Variants in SOX5 observed in about 807,000 individuals in gnomAD.
SOX5 encodes the protein transcription factor SOX-5.
A neutral mutation model predicts 92.0 loss-of-function variants in SOX5; 9 were observed. That is an observed-to-expected ratio of 0.10 (90% CI 0.06 to 0.17). The LOEUF (loss-of-function observed/expected upper bound fraction) is 0.17. Among genes scored for constraint, SOX5 ranks in the 10% least tolerant of loss-of-function variants. The pLI is 1.00. For synonymous variants in SOX5, 344 were observed against 336.3 expected, an observed-to-expected ratio of 1.02 and a Z score of -0.25; for missense variants, 642 against 944.5, an observed-to-expected ratio of 0.68 and a Z score of 4.20.
At chr12:24,270,157 G>A (rs894296746) in intron 3 of SOX5, among the ~76,000 whole-genome samples, 1 of 152,052 alleles carries the variant, frequency 6.6e-6, no homozygotes, top group African/African-American at 2.4e-5. Flanking sequence ...CACCTCCCGG[G>A]TTCAAGCAAT....
upstream of SOX5, chr12:23,950,873 A>G: frequency 6.5e-7 from 1 of 1,535,356 alleles, no homozygotes; most frequent in Non-Finnish European, 8.7e-7. Flanking sequence ...ACTTACACAG[A>G]CATGCATGCA....
intron 4 of SOX5, among the ~76,000 whole-genome samples, chr12:24,177,334 A>T (rs1417432097): frequency 6.6e-6 from 1 of 152,156 alleles, no homozygotes; most frequent in East Asian, 1.9e-4. Context: ...ACCCCTTTTA[A>T]CCACCATATT....
intron 8 of SOX5, among the ~76,000 whole-genome samples, chr12:23,619,035 ATTG>A (rs779545441): frequency 6.6e-6 from 1 of 152,120 alleles, no homozygotes; most frequent in Non-Finnish European, 1.5e-5. Context: ...GTTTGCTATT[ATTG>A]TTGTTGTTTT....
At chr12:24,433,364 G>GT (rs1388979996) in intron 1 of SOX5, among the ~76,000 whole-genome samples, 5 of 152,172 alleles carry the variant, frequency 3.3e-5, no homozygotes, top group Non-Finnish European at 7.4e-5. Context: ...CTTTGAACAG[G>GT]TTTTTTGAAG....
intron 2 of SOX5, among the ~76,000 whole-genome samples, chr12:24,350,362 GCCAGGATGGAGTGTGTCTTACTCTGTCAC>G (rs1953917322): frequency 6.6e-6 from 1 of 152,102 alleles, no homozygotes; most frequent in South Asian, 2.1e-4. Context: ...TACTCTGTGG[GCCAGGATGGAGTGTGTCTTACTCTGTCAC>G]CCAGGATGGA....
At chr12:24,329,366 A>T (rs545451063) in intron 2 of SOX5, among the ~76,000 whole-genome samples, 1 of 152,282 alleles carries the variant, frequency 6.6e-6, no homozygotes, top group South Asian at 2.1e-4. Context: ...GAGAGAGAAG[A>T]GTGTCCAAGA....
chr12:24,418,122 A>G (rs778512502), intron 1 of SOX5, among the ~76,000 whole-genome samples: 1 of 151,798 alleles, frequency 6.6e-6, no homozygotes, highest in Non-Finnish European at 1.5e-5. Flanking sequence ...TCCAACTGTC[A>G]TGGTTCATTA....
At chr12:24,389,539 A>AT (rs1186994193) in intron 1 of SOX5, among the ~76,000 whole-genome samples, 1 of 152,248 alleles carries the variant, frequency 6.6e-6, no homozygotes, top group Non-Finnish European at 1.5e-5. Context: ...CCCAGCATCC[A>AT]TTAGCTATTC....
intron 14 of SOX5, among the ~76,000 whole-genome samples, chr12:23,535,254 A>G (rs1326867129): frequency 1.3e-5 from 2 of 152,224 alleles, no homozygotes; most frequent in Non-Finnish European, 2.9e-5. Context: ...ATCCTAAAGC[A>G]TTAGAGTTCT....
chr12:24,021,980 T>G (rs776272050), intron 4 of SOX5, among the ~76,000 whole-genome samples: 1 of 152,220 alleles, frequency 6.6e-6, no homozygotes, highest in Non-Finnish European at 1.5e-5. Flanking sequence ...TGTTCACTTC[T>G]TTATCTCTTA....
chr12:23,609,279 G>A (rs1424851632), intron 8 of SOX5, among the ~76,000 whole-genome samples: 3 of 152,132 alleles, frequency 2.0e-5, no homozygotes, highest in Non-Finnish European at 4.4e-5. Flanking sequence ...TGAAACATAA[G>A]CAAAAGAGTT....
intron 3 of SOX5, among the ~76,000 whole-genome samples, chr12:24,250,957 C>T (rs1939917359): frequency 6.6e-6 from 1 of 152,152 alleles, no homozygotes; most frequent in Non-Finnish European, 1.5e-5. Context: ...ATTCCAGGTC[C>T]CTTGCCCTTT....
intron 4 of SOX5, among the ~76,000 whole-genome samples, chr12:24,212,701 C>A (rs1201868331): frequency 2.0e-5 from 3 of 152,208 alleles, no homozygotes; most frequent in Non-Finnish European, 4.4e-5. Flanking sequence ...TACTGAGAAA[C>A]GTGACTAAAA....
intron 1 of SOX5, among the ~76,000 whole-genome samples, chr12:24,374,530 C>T (rs9669323): frequency 0.073 from 11,110 of 152,068 alleles, 459 homozygotes; most frequent in Middle Eastern, 0.11. Flanking sequence ...CACACACACA[C>T]ACACACATGC....
At chr12:24,101,002 A>G (rs1946028264) in intron 4 of SOX5, among the ~76,000 whole-genome samples, 1 of 152,096 alleles carries the variant, frequency 6.6e-6, no homozygotes, top group Non-Finnish European at 1.5e-5. Flanking sequence ...TTCTATTGCA[A>G]TAACCTCCTA....
intron 4 of SOX5, among the ~76,000 whole-genome samples, chr12:24,196,749 A>T (rs1273009353): frequency 6.6e-6 from 1 of 152,104 alleles, no homozygotes; most frequent in Non-Finnish European, 1.5e-5. Context: ...ACAAAAATAC[A>T]AAAATGAGCC....
At chr12:23,611,353 CGTGT>C (rs569434819) in intron 8 of SOX5, among the ~76,000 whole-genome samples, 2 of 140,268 alleles carry the variant, frequency 1.4e-5, no homozygotes, top group Admixed American at 7.5e-5. Context: ...AGTATTCCAT[CGTGT>C]GTGTGTGTGT....
chr12:24,082,347 A>G (rs1366903111), intron 4 of SOX5, among the ~76,000 whole-genome samples: 2 of 149,406 alleles, frequency 1.3e-5, no homozygotes, highest in African/African-American at 2.5e-5. Context: ...CTGCAGCCAC[A>G]AACAAACAAA....
chr12:24,196,097 C>T (rs1483246338), intron 4 of SOX5, among the ~76,000 whole-genome samples: 1 of 152,134 alleles, frequency 6.6e-6, no homozygotes, highest in African/African-American at 2.4e-5. Flanking sequence ...GTTGGACAGG[C>T]TGGTCTTGAG....
Sources: gnomAD v4.1 joint callset for allele counts (sites outside exome capture counted in the v4.1 genomes callset) on GRCh38, gnomAD v4.1.1 for gene constraint, MANE v1.5 for transcripts, NCBI Gene and HGNC (gene_info 2026-07-23, HGNC 2026-07-21) for gene names.